Variants in DNAH11 observed in about 807,000 individuals in gnomAD.
DNAH11 encodes axonemal beta dynein heavy chain 11.
In DNAH11, 442 loss-of-function variants were observed where a neutral mutation model predicts 526.0. The ratio of observed to expected loss-of-function variants is 0.84; its 90% CI spans 0.78 to 0.91. The LOEUF (loss-of-function observed/expected upper bound fraction) is 0.91, where lower values mean the gene tolerates loss of function less well. Among genes scored for constraint, DNAH11 ranks in the 40% least tolerant of loss-of-function variants. The probability of loss-of-function intolerance (pLI) is 0.00; values close to 1 mark genes in which losing one functional copy is unlikely to be tolerated. For missense variants in DNAH11, 6,989 were observed against 5,448.7 expected (o/e 1.28, Z -8.90); for synonymous variants, 2,461 against 1,935.9 (o/e 1.27, Z -7.12).
intron 65 of DNAH11, among the ~76,000 whole-genome samples, chr7:21,842,284 A>G (rs1782233159): frequency 6.6e-6 from 1 of 152,200 alleles, no homozygotes; most frequent in Non-Finnish European, 1.5e-5. Context: ...ATATGATTGT[A>G]TTTAATTGTT....
chr7:21,566,961 G>C (rs1163224128), intron 6 of DNAH11, among the ~76,000 whole-genome samples: 2 of 152,062 alleles, frequency 1.3e-5, no homozygotes, highest in Non-Finnish European at 1.5e-5. Context: ...CAGCCTCCTT[G>C]ATTGTAAACA....
intron 9 of DNAH11, among the ~76,000 whole-genome samples, chr7:21,586,412 G>A (rs1784479741): frequency 6.6e-6 from 1 of 152,152 alleles, no homozygotes; most frequent in African/African-American, 2.4e-5. Flanking sequence ...ATTTTGCTAG[G>A]TAGCCCCGAG....
chr7:21,768,502 A>G (rs1353196161), intron 55 of DNAH11, among the ~76,000 whole-genome samples: 2 of 152,052 alleles, frequency 1.3e-5, no homozygotes, highest in East Asian at 3.8e-4. Flanking sequence ...GATGGTGTAG[A>G]GTAGATCTGA....
At chr7:21,745,492 T>G (rs1786104813) in intron 51 of DNAH11, among the ~76,000 whole-genome samples, 1 of 152,210 alleles carries the variant, frequency 6.6e-6, no homozygotes, top group Non-Finnish European at 1.5e-5. Context: ...AAAAGGCATC[T>G]GTCCTTGGAT....
chr7:21,830,838 A>G (rs1357319076), intron 65 of DNAH11, among the ~76,000 whole-genome samples: 4 of 152,228 alleles, frequency 2.6e-5, no homozygotes, highest in Non-Finnish European at 4.4e-5. Context: ...TTATGTACTC[A>G]TAATAGGTAC....
Position 21,901,410 on chromosome 7 carries a change from TACTAGAA to T in DNAH11, c.*161_*167del, listed in dbSNP as rs770009792. 335 of 1,076,496 alleles carry T rather than the reference TACTAGAA, an allele frequency of 3.1e-4. No individual in the cohort carries two copies. The highest frequency in any genetic ancestry group is 3.0e-4 in the Non-Finnish European group (245 of 812,824). 66.7% of individuals were successfully genotyped at this position (1,076,496 alleles called of 1,614,324 possible). A position where few individuals can be genotyped will look rare whatever the true frequency, so the allele number is the denominator to read the frequency against. The stretch of plus-strand genomic sequence containing the variant: ...CCTTAGAGTGAAAGTCAGAAAAAAA[TACTAGAA>T]ACTAACTCAGGGCTGAGCGTGGTGG... On this transcript the variant is annotated 3_prime_UTR_variant, in exon 82 of 82. Transcript: ENST00000409508.
chr7:21,706,963 C>G (rs1468207637), intron 39 of DNAH11, among the ~76,000 whole-genome samples: 3 of 152,188 alleles, frequency 2.0e-5, no homozygotes, highest in African/African-American at 4.8e-5. Flanking sequence ...CAAGGCTTTT[C>G]CTCAATTACC....
chr7:21,599,429 G>A (rs1419008452), intron 14 of DNAH11, among the ~76,000 whole-genome samples: 3 of 152,198 alleles, frequency 2.0e-5, no homozygotes, highest in Non-Finnish European at 2.9e-5. Flanking sequence ...GAAGGCCCTG[G>A]AAGGCAAAGT....
chr7:21,547,632 T>G (rs1782853888), intron 2 of DNAH11, among the ~76,000 whole-genome samples: 1 of 152,204 alleles, frequency 6.6e-6, no homozygotes, highest in Admixed American at 6.5e-5. Flanking sequence ...CTTTCTTCCC[T>G]TTTATGGGCT....
In DNAH11 at chr7:21,689,795, C is replaced by T. The variant is rs113399102; in HGVS notation, c.5925-970C>T. Among the ~76,000 whole-genome samples the T allele has an allele frequency of 2.1e-3, 320 of 152,336 alleles. 2 individuals are homozygous for T. Among genetic ancestry groups the T allele is most frequent in the African/African-American group, 7.2e-3 (300 of 41,576 alleles). On this transcript the variant is annotated intron_variant, in intron 34 of 81. Transcript: ENST00000409508. ...TCTCTTTCATGATGCAGACCCAGCT[C>T]CTTAACTGCTTCAGCCCTCCCCTCT...
In DNAH11 at chr7:21,655,973, G is replaced by A; in HGVS notation, c.5086G>A (p.Val1696Met). ...YVPFQAECEC[V>M]GHVETWLLQL... ...CCCATTCCAAGCCGAGTGTGAATGT[G>A]TGGGCCATGTAAGATTTGATTATGA... Residue 1696 changes from valine to methionine, a missense_variant, in exon 29 of 82, where the codon GTG becomes ATG. Coordinates refer to ENST00000409508, the MANE Select transcript of DNAH11 (RefSeq NM_001277115.2). The A allele has an allele frequency of 1.9e-6, 3 of 1,598,290 alleles. No individual in the cohort carries two copies. Among genetic ancestry groups the A allele is most frequent in the Non-Finnish European group, 8.5e-7 (1 of 1,170,510 alleles).
chr7:21,892,791 T>G (rs548134802), intron 77 of DNAH11, 124 bp downstream of exon 77: 2 of 1,112,840 alleles, frequency 1.8e-6, no homozygotes, highest in Admixed American at 2.8e-5. Context: ...AACCACCACC[T>G]AGATCAAAAT....
At chr7:21,780,190 A>G (rs1353576543) in intron 57 of DNAH11, among the ~76,000 whole-genome samples, 1 of 152,194 alleles carries the variant, frequency 6.6e-6, no homozygotes, top group African/African-American at 2.4e-5. Context: ...ATCAGCGGGC[A>G]TGTAATTCCT....
intron 42 of DNAH11, among the ~76,000 whole-genome samples, chr7:21,715,268 G>A (rs576076012): frequency 6.6e-6 from 1 of 152,296 alleles, no homozygotes; most frequent in East Asian, 1.9e-4. Context: ...AGAGGTCTGA[G>A]AACTTTGGCT....
chr7:21,754,564 TC>T (rs74730567), intron 54 of DNAH11, among the ~76,000 whole-genome samples: 7,433 of 151,366 alleles, frequency 0.049, 342 homozygotes, highest in East Asian at 0.27. Context: ...GTGGATAATT[TC>T]CCCCCCCACC....
chr7:21,834,556 A>G lies in DNAH11; in HGVS notation c.10692-7988A>G, dbSNP rs372661473. Reference sequence around the variant, plus strand: ...CAACAAGACAGTTGGTTTTCTTGAAAAGTTAAACAAAATCAGCTATAATTC... The same window carrying G: ...CAACAAGACAGTTGGTTTTCTTGAAGAGTTAAACAAAATCAGCTATAATTC... On this transcript the variant is annotated intron_variant, in intron 65 of 81. Transcript: ENST00000409508. 3.0e-4 allele frequency among the ~76,000 whole-genome samples: 45 copies of G among 152,314 alleles called. No individual in the cohort carries two copies. In the East Asian group the frequency reaches 7.5e-3, roughly 25 times the overall value.
chr7:21,544,751 C>T (rs1440272883), intron 1 of DNAH11, among the ~76,000 whole-genome samples: 1 of 151,742 alleles, frequency 6.6e-6, no homozygotes, highest in Non-Finnish European at 1.5e-5. Context: ...GTATAATGAA[C>T]TGGTATAATT....
rs1783930160 is a variant in DNAH11, at chr7:21,698,209, A to G, written c.6176A>G (p.Lys2059Arg). The change falls in exon 36 of 82, where the codon AAG becomes AGG. Residue 2059 changes from lysine (K) to arginine (R), a missense_variant. Physicochemically the swap from Lys to Arg is conservative, Grantham distance 26. Coordinates refer to ENST00000409508, the MANE Select transcript of DNAH11 (RefSeq NM_001277115.2). The stretch of plus-strand genomic sequence containing the variant: ...ACGCTTTGCAAGGAGCTTCTCTCCA[A>G]GCAGGTGAGGGATCATTTGTTACGT... The part of the protein sequence containing the change: ...LYTLCKELLS[K>R]QDHYDWGLRA... 1 of 1,613,470 alleles carries G rather than the reference A, an allele frequency of 6.2e-7. No homozygotes were observed. Among genetic ancestry groups the G allele is most frequent in the Non-Finnish European group, 8.5e-7 (1 of 1,179,628 alleles).
chr7:21,604,364 T>C (rs1785203917), intron 18 of DNAH11, among the ~76,000 whole-genome samples: 1 of 152,100 alleles, frequency 6.6e-6, no homozygotes, highest in African/African-American at 2.4e-5. Flanking sequence ...ATCCCATTCC[T>C]CCTCACACCC....
Sources: gnomAD v4.1 joint callset for allele counts (sites outside exome capture counted in the v4.1 genomes callset) on GRCh38, gnomAD v4.1.1 for gene constraint, MANE v1.5 for transcripts, NCBI Gene and HGNC (gene_info 2026-07-23, HGNC 2026-07-21) for gene names.